Variants in PRICKLE2 observed in about 807,000 individuals in gnomAD.
PRICKLE2 encodes prickle-like protein 2.
PRICKLE2 carries 21 observed loss-of-function variants against 81.4 expected under a neutral mutation model. That is an observed-to-expected ratio of 0.26 (90% CI 0.18 to 0.37). The LOEUF (loss-of-function observed/expected upper bound fraction) is 0.37. PRICKLE2 is among the 10% of genes least tolerant of loss of function. The pLI is 1.00. For missense variants in PRICKLE2, 940 were observed against 1,109.0 expected (o/e 0.85, Z 2.16); for synonymous variants, 456 against 421.5 (o/e 1.08, Z -1.00).
intron 1 of PRICKLE2, among the ~76,000 whole-genome samples, chr3:64,213,869 T>C (rs2078831300): frequency 6.6e-6 from 1 of 152,154 alleles, no homozygotes; most frequent in Non-Finnish European, 1.5e-5. Flanking sequence ...CCCAAAGCCC[T>C]TCACCAAACA....
chr3:64,256,074 T>C (rs1487576961), intron 2 of PRICKLE2, among the ~76,000 whole-genome samples: 6 of 151,442 alleles, frequency 4.0e-5, no homozygotes, highest in Non-Finnish European at 8.9e-5. Context: ...GAGAGACAAA[T>C]AAAGGCTTGA....
chr3:64,266,684 T>G lies in PRICKLE2; in HGVS notation c.129-67717A>C, dbSNP rs577509816. ...TTCCCCAAGTGGTATTTGTTCTGTC[T>G]GTACAGACAGGGCCATGTCCATGTC... On this transcript the variant is annotated intron_variant, in intron 2 of 8. Coordinates refer to the PRICKLE2 transcript ENST00000295902. 5.3e-5 allele frequency among the ~76,000 whole-genome samples: 8 copies of G among 152,320 alleles called. 1 individual carries two copies. The South Asian group carries it at 1.7e-3, about 32-fold the overall frequency.
At chr3:64,213,441 T>C (rs1273040234) in intron 1 of PRICKLE2, among the ~76,000 whole-genome samples, 3 of 152,234 alleles carry the variant, frequency 2.0e-5, no homozygotes, top group Non-Finnish European at 4.4e-5. Context: ...ATTAATGACC[T>C]GTCGGATGAA....
intron 2 of PRICKLE2, among the ~76,000 whole-genome samples, chr3:64,265,707 A>G (rs1421759106): frequency 1.3e-5 from 2 of 152,154 alleles, no homozygotes; most frequent in African/African-American, 2.4e-5. Context: ...TGCTCTGCAA[A>G]CAGCTCCACA....
chr3:64,161,125 GAT>G (rs10532234), intron 3 of PRICKLE2, among the ~76,000 whole-genome samples: 56,084 of 151,970 alleles, frequency 0.37, 11,897 homozygotes, highest in Admixed American at 0.52. Flanking sequence ...GAGTTAGAGA[GAT>G]ATGAGACACC....
At chr3:64,109,658 T>C (rs2076812871) in intron 7 of PRICKLE2, among the ~76,000 whole-genome samples, 1 of 152,188 alleles carries the variant, frequency 6.6e-6, no homozygotes, top group Admixed American at 6.5e-5. Context: ...TGGCCTGCCT[T>C]CCCTCTCAGT....
chr3:64,100,163 T>C, intron 7 of PRICKLE2: 1 of 558,872 alleles, frequency 1.8e-6, no homozygotes, highest in Non-Finnish European at 3.2e-6. Flanking sequence ...ATTTTACCAG[T>C]TACTAGTTCC....
At chr3:64,264,179 T>G (rs543697796) in intron 2 of PRICKLE2, among the ~76,000 whole-genome samples, 1 of 152,172 alleles carries the variant, frequency 6.6e-6, no homozygotes, top group South Asian at 2.1e-4. Flanking sequence ...GTCCCCCGCA[T>G]GGCCACTTGG....
At chr3:64,217,762 T>C (rs1020057056) in intron 1 of PRICKLE2, among the ~76,000 whole-genome samples, 3 of 152,160 alleles carry the variant, frequency 2.0e-5, no homozygotes, top group Non-Finnish European at 4.4e-5. Flanking sequence ...CGATTATTTG[T>C]GAGGTCTGAA....
chr3:64,174,623 G>A (rs778151168), intron 2 of PRICKLE2: 75 of 183,062 alleles, frequency 4.1e-4, no homozygotes, highest in Admixed American at 6.4e-4. Flanking sequence ...TCAATGCAGA[G>A]TTCAAAGATC....
intron 2 of PRICKLE2, among the ~76,000 whole-genome samples, chr3:64,167,663 T>C (rs933017631): frequency 1.3e-5 from 2 of 152,204 alleles, no homozygotes; most frequent in South Asian, 2.1e-4. Context: ...GGCAGAAAGA[T>C]GGAGGCTGGA....
intron 7 of PRICKLE2, among the ~76,000 whole-genome samples, chr3:64,133,535 C>T (rs1425837050): frequency 6.6e-6 from 1 of 151,932 alleles, no homozygotes; most frequent in East Asian, 1.9e-4. Context: ...AACAAATTAA[C>T]TCCTCTAAGC....
At position 64,096,554 on chromosome 3, in the gene PRICKLE2, T is replaced by C. The variant is rs932400193; in HGVS notation, c.*2497A>G. The C allele has an allele frequency of 5.3e-5, 8 of 152,204 alleles. 1 individual carries two copies. The highest frequency in any genetic ancestry group is 4.1e-4 in the South Asian group (2 of 4,832). 9.4% of individuals were successfully genotyped at this position (152,204 alleles called of 1,614,324 possible). A position where few individuals can be genotyped will look rare whatever the true frequency, so the allele number is the denominator to read the frequency against. Reference sequence around the variant, plus strand: ...ATTTGGGGTCAGAAGAAATCTGCAATGGTAGAATTGAGGGAGGTAATCTTG... The same window carrying C: ...ATTTGGGGTCAGAAGAAATCTGCAACGGTAGAATTGAGGGAGGTAATCTTG... On this transcript the variant is annotated 3_prime_UTR_variant, in exon 8 of 8. Coordinates refer to ENST00000638394, the MANE Select transcript of PRICKLE2 (RefSeq NM_198859.4).
At chr3:64,245,946 G>A (rs758952355) in intron 2 of PRICKLE2, among the ~76,000 whole-genome samples, 31 of 152,096 alleles carry the variant, frequency 2.0e-4, no homozygotes, top group Admixed American at 5.9e-4. Context: ...GAGCTCTCCT[G>A]AATATCATTT....
Position 64,147,461 on chromosome 3 carries a change from G to C in PRICKLE2, c.1029C>G (p.Asn343Lys). The C allele has an allele frequency of 6.2e-7, 1 of 1,614,240 alleles. No homozygotes were observed. The highest frequency in any genetic ancestry group is 8.5e-7 in the Non-Finnish European group (1 of 1,180,054). Residue 343 changes from asparagine to lysine, a missense_variant, in exon 7 of 8, where the codon AAC (asparagine) becomes AAG (lysine). By Grantham distance (94) the Asn-to-Lys change is moderately conservative (BLOSUM62 0). Transcript: ENST00000638394. The surrounding 1 kb of genome is among the most constrained non-coding windows in gnomAD (Gnocchi z 5.0). The stretch of plus-strand genomic sequence containing the variant: ...GCATGGGCTCCTCCGTCTTGCCCTT[G>C]TTCTTGCCAATTTTGGCACTGCGCC... ...ESRRSAKIGK[N>K]KGKTEEPMLN...
rs1364548175 is a variant in PRICKLE2 at position 64,116,986 on chromosome 3, A to G, written c.1661-17061T>C. ...AACCCGAATCCAGCAGCACATCAAA[A>G]AGCTTATCCACCACAAACAAGTAGA... On this transcript the variant is annotated intron_variant, in intron 7 of 7. Coordinates refer to ENST00000638394, the MANE Select transcript of PRICKLE2 (RefSeq NM_198859.4). 2.0e-5 allele frequency among the ~76,000 whole-genome samples: 3 copies of G among 152,228 alleles called. No homozygotes were observed. The East Asian group carries it at 5.8e-4, about 29-fold the overall frequency.
At chr3:64,140,597 C>T (rs182634014) in intron 7 of PRICKLE2, among the ~76,000 whole-genome samples, 56 of 152,296 alleles carry the variant, frequency 3.7e-4, no homozygotes, top group African/African-American at 1.3e-3. Flanking sequence ...GTTCCAATTC[C>T]AGCTCTACTA....
rs113747146 is a variant in PRICKLE2 at position 64,211,648 on chromosome 3, C to T, written c.-40-12681G>A. 1.1e-3 allele frequency among the ~76,000 whole-genome samples: 171 copies of T among 152,282 alleles called. 3 individuals are homozygous for T. Among genetic ancestry groups the T allele is most frequent in the African/African-American group, 4.0e-3 (166 of 41,560 alleles). On this transcript the variant is annotated intron_variant, in intron 1 of 7. Transcript: ENST00000638394. ...GAAGGGTGTTTGGGAGTTTGTTATA[C>T]TATTCTTGTAACTTTGATCTAACCT...
chr3:64,156,179 T>C lies in PRICKLE2; in HGVS notation c.600+983A>G, dbSNP rs1342856810. Among the ~76,000 whole-genome samples the C allele has an allele frequency of 5.3e-5, 8 of 152,328 alleles. No individual in the cohort carries two copies. The East Asian group carries it at 1.5e-3, about 29-fold the overall frequency. On this transcript the variant is annotated intron_variant, in intron 5 of 7. Coordinates refer to ENST00000638394, the MANE Select transcript of PRICKLE2 (RefSeq NM_198859.4). Reference sequence around the variant, plus strand: ...AGAACCACAGAGTTGGACCTGAATTTAGTTTTCCAGCTATCTTTCTAGAAG... The same window carrying C: ...AGAACCACAGAGTTGGACCTGAATTCAGTTTTCCAGCTATCTTTCTAGAAG...
Sources: allele counts gnomAD v4.1 joint callset (sites outside exome capture counted in the v4.1 genomes callset), GRCh38; gene constraint gnomAD v4.1.1; non-coding constraint Gnocchi (gnomAD v3.1); transcripts MANE v1.5; gene names NCBI Gene and HGNC (gene_info 2026-07-23, HGNC 2026-07-21).